DIAPH3: variants seen among roughly 807,000 people sequenced by gnomAD.
DIAPH3 encodes the protein diaphanous related formin 3.
DIAPH3 carries 117 observed loss-of-function variants against 144.3 expected under a neutral mutation model. The observed-to-expected ratio is 0.81, with a 90% CI of 0.70 to 0.95. The LOEUF is 0.95. DIAPH3 is among the 40% of genes least tolerant of loss of function. DIAPH3 has a pLI of 0.00. For missense variants in DIAPH3, 1,421 were observed against 1,412.7 expected, an observed-to-expected ratio of 1.01 and a Z score of -0.09; for synonymous variants, 519 against 488.9, an observed-to-expected ratio of 1.06 and a Z score of -0.81.
chr13:59,967,219 AC>A (rs1292472054), intron 17 of DIAPH3, among the ~76,000 whole-genome samples: 1 of 149,838 alleles, frequency 6.7e-6, no homozygotes, highest in Non-Finnish European at 1.5e-5. Flanking sequence ...GGTGTGCACC[AC>A]CATGCCTGGC....
At chr13:60,089,119 C>A (rs1042891259) in intron 4 of DIAPH3, among the ~76,000 whole-genome samples, 1 of 152,148 alleles carries the variant, frequency 6.6e-6, no homozygotes, top group Non-Finnish European at 1.5e-5. Flanking sequence ...AAACAGCTCA[C>A]CTTTAACACA....
rs2053822899 is a variant in DIAPH3, at chr13:60,018,779, C to T, written c.627-2634G>A. Among the ~76,000 whole-genome samples, 7 of 152,110 alleles carry T rather than the reference C, an allele frequency of 4.6e-5. No homozygotes were observed. The South Asian group carries it at 1.5e-3, about 32-fold the overall frequency. ...CTGAAAACCAGATTATACATTATAT[C>T]TCATAAAACATGTCAAAAACAAGAA... On this transcript the variant is annotated intron_variant, in intron 5 of 27. Coordinates refer to ENST00000400324, the MANE Select transcript of DIAPH3 (RefSeq NM_001042517.2).
intron 13 of DIAPH3, among the ~76,000 whole-genome samples, chr13:59,981,548 T>C (rs1250481435): frequency 6.6e-5 from 10 of 150,456 alleles, no homozygotes; most frequent in Non-Finnish European, 1.0e-4. Flanking sequence ...TAAATGCCCA[T>C]CAATAATGAA....
At chr13:60,134,363 T>G (rs572888384) in intron 1 of DIAPH3, among the ~76,000 whole-genome samples, 1 of 152,246 alleles carries the variant, frequency 6.6e-6, no homozygotes, top group Non-Finnish European at 1.5e-5. Flanking sequence ...CCTTTGAAAT[T>G]AACAAGTACG....
intron 14 of DIAPH3, among the ~76,000 whole-genome samples, chr13:59,977,733 G>A (rs1333566298): frequency 6.6e-6 from 1 of 151,700 alleles, no homozygotes; most frequent in Admixed American, 6.6e-5. Context: ...AAGGAAATGA[G>A]CGAGAGGAGT....
chr13:60,099,433 T>C (rs771324412), intron 3 of DIAPH3, among the ~76,000 whole-genome samples: 4 of 152,152 alleles, frequency 2.6e-5, no homozygotes, highest in Non-Finnish European at 5.9e-5. Context: ...ATCCAAAAAA[T>C]GCTGGGGACA....
chr13:59,851,608 G>T (rs1415206259), intron 22 of DIAPH3, among the ~76,000 whole-genome samples: 2 of 149,416 alleles, frequency 1.3e-5, no homozygotes, highest in Non-Finnish European at 3.0e-5. Flanking sequence ...TTCAGTAAAT[G>T]ACTGATTCAA....
At chr13:59,727,292 CA>C (rs140481358) in intron 27 of DIAPH3, among the ~76,000 whole-genome samples, 6,630 of 151,352 alleles carry the variant, frequency 0.044, 234 homozygotes, top group Admixed American at 0.11. Flanking sequence ...TCACATAGAG[CA>C]AAAAAAAAAC....
intron 5 of DIAPH3, among the ~76,000 whole-genome samples, chr13:60,041,121 GAACCTGGACAAATATATTT>G (rs1455536132): frequency 1.2e-4 from 4 of 32,014 alleles, no homozygotes; most frequent in Admixed American, 8.0e-4. Context: ...ATTTTTAAAT[GAACCTGGACAAATATATTT>G]TTAAATGAAC....
At chr13:59,711,504 C>T (rs1042444985) in intron 27 of DIAPH3, among the ~76,000 whole-genome samples, 1 of 152,146 alleles carries the variant, frequency 6.6e-6, no homozygotes, top group African/African-American at 2.4e-5. Flanking sequence ...CCACCACCAC[C>T]TCTCTTACTA....
At chr13:59,866,051 C>A (rs763722368) in intron 21 of DIAPH3, among the ~76,000 whole-genome samples, 2 of 151,788 alleles carry the variant, frequency 1.3e-5, no homozygotes, top group Non-Finnish European at 2.9e-5. Context: ...TTAGTGAACA[C>A]CAGAAACAAG....
chr13:59,968,802 C>T (rs1285623907), intron 17 of DIAPH3, among the ~76,000 whole-genome samples: 1 of 152,100 alleles, frequency 6.6e-6, no homozygotes, highest in African/African-American at 2.4e-5. Flanking sequence ...AAAATATCTG[C>T]CAGCATTCTT....
intron 8 of DIAPH3, among the ~76,000 whole-genome samples, chr13:60,009,717 A>G (rs996760093): frequency 6.6e-5 from 10 of 152,106 alleles, no homozygotes; most frequent in Admixed American, 2.0e-4. Context: ...TGACTATCCA[A>G]CCATCAAGCC....
intron 2 of DIAPH3, among the ~76,000 whole-genome samples, chr13:60,131,435 CAAAAAA>C (rs777909368): frequency 3.4e-5 from 1 of 29,306 alleles, no homozygotes; most frequent in African/African-American, 9.2e-5. Flanking sequence ...GACCCTGTCT[CAAAAAA>C]AAAAAAAAAA....
intron 22 of DIAPH3, 100 bp from the exon 23 acceptor site, chr13:59,839,548 A>T: frequency 1.9e-6 from 2 of 1,058,652 alleles, no homozygotes; most frequent in Non-Finnish European, 2.6e-6. Flanking sequence ...AACTCACAAT[A>T]ATGTAAGAAA....
intron 18 of DIAPH3, among the ~76,000 whole-genome samples, chr13:59,918,749 A>G (rs1051950170): frequency 6.6e-6 from 1 of 152,134 alleles, no homozygotes; most frequent in Non-Finnish European, 1.5e-5. Flanking sequence ...AGAAGAATGG[A>G]ATAAATATCT....
At chr13:59,679,833 A>G (rs1281430173) in intron 27 of DIAPH3, among the ~76,000 whole-genome samples, 2 of 152,258 alleles carry the variant, frequency 1.3e-5, no homozygotes, top group Non-Finnish European at 2.9e-5. Flanking sequence ...CAATGCACAA[A>G]AAGAATAAAT....
intron 5 of DIAPH3, among the ~76,000 whole-genome samples, chr13:60,030,886 T>C (rs762564983): frequency 6.6e-6 from 1 of 152,212 alleles, no homozygotes; most frequent in African/African-American, 2.4e-5. Flanking sequence ...TTTTTGTCAT[T>C]GTAGAAAGTT....
rs1194533907 is a variant in DIAPH3 at position 60,025,854 on chromosome 13, A to C, written c.627-9709T>G. On this transcript the variant is annotated intron_variant, in intron 5 of 27. Transcript: ENST00000400324. ...AAAAAAACTGTGTGCCATAAACACT[A>C]TTACAAAAATAAACAGAGAATATTA... Among the ~76,000 whole-genome samples the C allele has an allele frequency of 3.3e-5, 5 of 152,286 alleles. No homozygotes were observed. The South Asian group carries it at 6.2e-4, about 19-fold the overall frequency.
Sources: allele counts gnomAD v4.1 joint callset (sites outside exome capture counted in the v4.1 genomes callset), GRCh38; gene constraint gnomAD v4.1.1; transcripts MANE v1.5; gene names NCBI Gene and HGNC (gene_info 2026-07-23, HGNC 2026-07-21).